The following FUT9 variants were observed in gnomAD, a reference collection of about 807,000 sequenced individuals.
FUT9 encodes the protein 4-galactosyl-N-acetylglucosaminide 3-alpha-L-fucosyltransferase 9.
Under a neutral mutation model 29.7 loss-of-function variants are expected in FUT9, and 15 were observed. The observed-to-expected ratio is 0.51, with a 90% CI of 0.34 to 0.78. FUT9 has a LOEUF of 0.78. FUT9 is among the 30% of genes least tolerant of loss of function. The pLI is 0.01. For synonymous variants in FUT9, 169 were observed against 153.7 expected, an observed-to-expected ratio of 1.10 and a Z score of -0.74; for missense variants, 319 against 425.4, an observed-to-expected ratio of 0.75 and a Z score of 2.20.
At chr6:96,169,932 GC>G (rs1346788875) in intron 2 of FUT9, among the ~76,000 whole-genome samples, 1 of 152,114 alleles carries the variant, frequency 6.6e-6, no homozygotes, top group East Asian at 1.9e-4. Context: ...TCTTTCATTA[GC>G]CTGTGAACAG....
intron 1 of FUT9, among the ~76,000 whole-genome samples, chr6:96,104,535 T>C (rs1771642749): frequency 6.6e-6 from 1 of 152,168 alleles, no homozygotes; most frequent in South Asian, 2.1e-4. Context: ...TTTTTTTGTT[T>C]TGTTTGTTTG....
In FUT9 at chr6:96,211,078, T is replaced by G. The variant is rs752760830; in HGVS notation, c.*6843T>G. Reference sequence around the variant, plus strand: ...TTAAACAGGCAGTTTGTAGGAATCATTGAAATTTTATACAAGCCGAAGGAA... The same window carrying G: ...TTAAACAGGCAGTTTGTAGGAATCAGTGAAATTTTATACAAGCCGAAGGAA... On this transcript the variant is annotated 3_prime_UTR_variant, in exon 3 of 3. Transcript: ENST00000302103. 7 of 166,878 alleles carry G rather than the reference T, an allele frequency of 4.2e-5. No individual in the cohort carries two copies. Among genetic ancestry groups the G allele is most frequent in the Non-Finnish European group, 1.0e-4 (7 of 68,014 alleles). The allele number at this position is 166,878 out of a possible 1,614,324, so 10.3% of individuals were successfully genotyped here. A position where few individuals can be genotyped will look rare whatever the true frequency, so the allele number is the denominator to read the frequency against.
intron 1 of FUT9, among the ~76,000 whole-genome samples, chr6:96,019,283 G>C (rs932773372): frequency 2.6e-5 from 4 of 151,776 alleles, no homozygotes; most frequent in Non-Finnish European, 5.9e-5. Flanking sequence ...AAGGCAAGAG[G>C]ATTCAGTCAA....
At chr6:96,034,652 C>T (rs1344431997) in intron 1 of FUT9, among the ~76,000 whole-genome samples, 2 of 151,642 alleles carry the variant, frequency 1.3e-5, no homozygotes, top group South Asian at 2.1e-4. Flanking sequence ...TTCTTTATCA[C>T]ACACTTACTA....
Position 96,206,385 on chromosome 6 carries a change from C to G in FUT9, c.*2150C>G, listed in dbSNP as rs1278400781. 1 of 166,946 alleles carries G rather than the reference C, an allele frequency of 6.0e-6. No homozygotes were observed. Among genetic ancestry groups the G allele is most frequent in the Non-Finnish European group, 1.5e-5 (1 of 68,096 alleles). 10.3% of individuals were successfully genotyped at this position (166,946 alleles called of 1,614,324 possible). On this transcript the variant is annotated 3_prime_UTR_variant, in exon 3 of 3. Transcript: ENST00000302103. ...ATTCATACATTTACATTTACTTTGT[C>G]AAATTTTTTGGTCTATAAAAAGCAT...
At chr6:96,115,038 T>C (rs1488617661) in intron 2 of FUT9, among the ~76,000 whole-genome samples, 1 of 152,212 alleles carries the variant, frequency 6.6e-6, no homozygotes, top group Non-Finnish European at 1.5e-5. Flanking sequence ...TCTGAGAATA[T>C]AAAGCTGTCA....
chr6:96,057,410 C>A (rs2127941815), intron 1 of FUT9, among the ~76,000 whole-genome samples: 1 of 152,220 alleles, frequency 6.6e-6, no homozygotes, highest in Non-Finnish European at 1.5e-5. Flanking sequence ...GAGAAAGCTC[C>A]AGTAAGCTAC....
intron 2 of FUT9, among the ~76,000 whole-genome samples, chr6:96,124,747 C>A (rs750787717): frequency 2.6e-5 from 4 of 152,074 alleles, no homozygotes; most frequent in Non-Finnish European, 5.9e-5. Flanking sequence ...ATATTGGCTT[C>A]TCTCATTATA....
chr6:96,022,061 G>A (rs1234621471), intron 1 of FUT9, among the ~76,000 whole-genome samples: 1 of 152,018 alleles, frequency 6.6e-6, no homozygotes, highest in Non-Finnish European at 1.5e-5. Context: ...GTTGTGTGAA[G>A]AAAGTGTCTG....
intron 2 of FUT9, among the ~76,000 whole-genome samples, chr6:96,187,742 A>G (rs1477443199): frequency 6.6e-6 from 1 of 152,148 alleles, no homozygotes; most frequent in Admixed American, 6.6e-5. Context: ...AAAATTATCA[A>G]CTGATGGTGT....
chr6:96,141,716 T>C (rs1010490504), intron 2 of FUT9, among the ~76,000 whole-genome samples: 16 of 152,208 alleles, frequency 1.1e-4, no homozygotes, highest in Non-Finnish European at 4.4e-5. Context: ...AGAATTATGT[T>C]GCAAGCTGAG....
rs181663428 is a variant in FUT9 at position 96,139,439 on chromosome 6, A to C, written c.-9+25312A>C. On this transcript the variant is annotated intron_variant, in intron 2 of 2. Coordinates refer to ENST00000302103, the MANE Select transcript of FUT9 (RefSeq NM_006581.4). ...CAGCCACATGGTGCAAGCTGTTTGT[A>C]TATCTATTATTCTGCAGTCTGGAGG... is the stretch of plus-strand genomic sequence containing the variant. 2.7e-3 allele frequency among the ~76,000 whole-genome samples: 418 copies of C among 152,146 alleles called. 1 individual carries two copies. Among genetic ancestry groups the C allele is most frequent in the African/African-American group, 9.7e-3 (403 of 41,492 alleles).
intron 2 of FUT9, among the ~76,000 whole-genome samples, chr6:96,117,133 C>T (rs570922061): frequency 5.3e-5 from 8 of 152,062 alleles, no homozygotes; most frequent in African/African-American, 1.9e-4. Context: ...AAGAATGAGG[C>T]TAACTCTAAA....
At chr6:96,197,503 T>A (rs1487349065) in intron 2 of FUT9, among the ~76,000 whole-genome samples, 1 of 152,222 alleles carries the variant, frequency 6.6e-6, no homozygotes, top group Non-Finnish European at 1.5e-5. Flanking sequence ...ATTTCTTGTC[T>A]TTGGAGTTGG....
chr6:96,108,273 T>C (rs1425784433), intron 1 of FUT9, among the ~76,000 whole-genome samples: 1 of 152,146 alleles, frequency 6.6e-6, no homozygotes, highest in African/African-American at 2.4e-5. Context: ...AATCATCCCA[T>C]GTTGTATGCA....
At chr6:96,017,899 AG>A (rs1468849071) in intron 1 of FUT9, among the ~76,000 whole-genome samples, 3 of 152,288 alleles carry the variant, frequency 2.0e-5, no homozygotes, top group South Asian at 2.1e-4. Flanking sequence ...GCCATCATCT[AG>A]GGAATTTGTT....
intron 2 of FUT9, among the ~76,000 whole-genome samples, chr6:96,162,452 T>C (rs1772929749): frequency 6.6e-6 from 1 of 152,174 alleles, no homozygotes; most frequent in Admixed American, 6.5e-5. Context: ...TTACCTATAG[T>C]TAACCTACAG....
intron 2 of FUT9, among the ~76,000 whole-genome samples, chr6:96,157,430 G>A (rs1449094874): frequency 2.0e-5 from 3 of 152,122 alleles, no homozygotes; most frequent in Non-Finnish European, 4.4e-5. Flanking sequence ...TCCTTTGGAA[G>A]AGAATGCCTA....
At chr6:96,079,169 C>T (rs1326228577) in intron 1 of FUT9, among the ~76,000 whole-genome samples, 1 of 152,122 alleles carries the variant, frequency 6.6e-6, no homozygotes, top group Non-Finnish European at 1.5e-5. Flanking sequence ...TGTACATTTT[C>T]AAAGGTGGGG....
Sources: gnomAD v4.1 joint callset for allele counts (sites outside exome capture counted in the v4.1 genomes callset) on GRCh38, gnomAD v4.1.1 for gene constraint, MANE v1.5 for transcripts, NCBI Gene and HGNC (gene_info 2026-07-23, HGNC 2026-07-21) for gene names.